AOAH: variants seen among roughly 807,000 people sequenced by gnomAD.
AOAH encodes acyloxyacyl hydrolase (neutrophil).
A neutral mutation model predicts 92.2 loss-of-function variants in AOAH; 64 were observed. That is an observed-to-expected ratio of 0.69 (90% CI 0.57 to 0.86). The LOEUF is 0.86. AOAH is among the 40% of genes least tolerant of loss of function. The pLI, the probability that AOAH is intolerant of heterozygous loss-of-function variation, is 0.00. For missense variants in AOAH, 656 were observed against 694.6 expected (o/e 0.94, Z 0.62); for synonymous variants, 263 against 254.5 (o/e 1.03, Z -0.32).
chr7:36,624,993 GCT>G (rs1274241349), intron 6 of AOAH, among the ~76,000 whole-genome samples: 8 of 152,154 alleles, frequency 5.3e-5, no homozygotes, highest in African/African-American at 7.2e-5. Flanking sequence ...TCCTTGCACA[GCT>G]CTGTTTCCTG....
At chr7:36,684,845 G>A (rs1374179700) in intron 2 of AOAH, among the ~76,000 whole-genome samples, 7 of 129,000 alleles carry the variant, frequency 5.4e-5, no homozygotes, top group Non-Finnish European at 7.8e-5. Flanking sequence ...GATCTCATGA[G>A]CCCGGGAGGT....
chr7:36,678,589 G>C (rs943551321), intron 2 of AOAH, among the ~76,000 whole-genome samples: 4 of 137,042 alleles, frequency 2.9e-5, no homozygotes, highest in Non-Finnish European at 1.5e-5. Context: ...GTGTGTGTGT[G>C]TGTGTGTGTG....
chr7:36,691,091 C>G (rs1482670241), intron 1 of AOAH, among the ~76,000 whole-genome samples: 1 of 152,154 alleles, frequency 6.6e-6, no homozygotes, highest in Non-Finnish European at 1.5e-5. Context: ...CCTTTTTGAC[C>G]CTGAGTAGAA....
chr7:36,671,086 T>C (rs752638922), intron 3 of AOAH, among the ~76,000 whole-genome samples: 1 of 152,224 alleles, frequency 6.6e-6, no homozygotes, highest in Non-Finnish European at 1.5e-5. Context: ...TCTGGTTCCC[T>C]GATCTAGGCT....
intron 5 of AOAH, among the ~76,000 whole-genome samples, chr7:36,635,239 C>T (rs1793436333): frequency 6.6e-6 from 1 of 152,156 alleles, no homozygotes; most frequent in Admixed American, 6.5e-5. Context: ...ATGAGAGTCT[C>T]AAATCAGGGC....
chr7:36,720,097 T>C (rs1799520470), intron 1 of AOAH, among the ~76,000 whole-genome samples: 2 of 152,274 alleles, frequency 1.3e-5, no homozygotes, highest in African/African-American at 4.8e-5. Context: ...CTTCCTTCTT[T>C]GACTAGCAAT....
intron 16 of AOAH, among the ~76,000 whole-genome samples, chr7:36,540,033 A>G (rs1397856572): frequency 6.6e-6 from 1 of 152,174 alleles, no homozygotes; most frequent in African/African-American, 2.4e-5. Context: ...AGCTCATTTT[A>G]CATTTCACCT....
intron 11 of AOAH, among the ~76,000 whole-genome samples, chr7:36,602,053 C>A (rs778980866): frequency 9.2e-5 from 14 of 152,204 alleles, no homozygotes; most frequent in African/African-American, 3.4e-4. Context: ...CATTCAACTT[C>A]AGCGAAATAA....
intron 11 of AOAH, among the ~76,000 whole-genome samples, chr7:36,610,632 T>C (rs549854750): frequency 7.2e-4 from 109 of 152,312 alleles, no homozygotes; most frequent in South Asian, 2.1e-3. Context: ...AATTTCTTTA[T>C]TTTCACATTT....
At chr7:36,659,755 CTT>C (rs112482487) in intron 3 of AOAH, among the ~76,000 whole-genome samples, 4 of 127,940 alleles carry the variant, frequency 3.1e-5, no homozygotes, top group East Asian at 2.2e-4. Context: ...TTTTTTCTTT[CTT>C]TTTTTTTTTT....
At chr7:36,723,025 A>G (rs890157882) in intron 1 of AOAH, among the ~76,000 whole-genome samples, 1 of 151,278 alleles carries the variant, frequency 6.6e-6, no homozygotes, top group Non-Finnish European at 1.5e-5. Context: ...GATTTTGAGG[A>G]AGTAGGACAA....
At chr7:36,566,524 A>G (rs562076958) in intron 13 of AOAH, among the ~76,000 whole-genome samples, 1 of 152,224 alleles carries the variant, frequency 6.6e-6, no homozygotes, top group South Asian at 2.1e-4. Context: ...CTAGTCAGAC[A>G]TGAGTGGGGC....
intron 11 of AOAH, among the ~76,000 whole-genome samples, chr7:36,602,660 C>T (rs1032166894): frequency 6.6e-6 from 1 of 152,216 alleles, no homozygotes. Context: ...TCAAAGCTGA[C>T]TCTTCTGATA....
chr7:36,700,366 T>A (rs1797957071), intron 1 of AOAH, among the ~76,000 whole-genome samples: 1 of 151,996 alleles, frequency 6.6e-6, no homozygotes, highest in Admixed American at 6.6e-5. Context: ...TATTCCACAC[T>A]CTATGTTCAT....
chr7:36,616,642 C>A (rs79786771), intron 10 of AOAH, among the ~76,000 whole-genome samples, 168 bp from the exon 11 acceptor site: 3 of 152,130 alleles, frequency 2.0e-5, no homozygotes, highest in Non-Finnish European at 4.4e-5. Flanking sequence ...CATAGCATTT[C>A]GGAGCTGAAT....
intron 20 of AOAH, chr7:36,514,337 G>A (rs9648053): frequency 1.6e-6 from 1 of 642,570 alleles, no homozygotes; most frequent in South Asian, 1.9e-5. Flanking sequence ...GTGGAGGCTG[G>A]CTGGGTCCCT....
intron 1 of AOAH, among the ~76,000 whole-genome samples, chr7:36,694,257 G>A (rs911470461): frequency 6.6e-6 from 1 of 152,190 alleles, no homozygotes; most frequent in South Asian, 2.1e-4. Context: ...AGTGCTTTGG[G>A]AGGCTGAGGC....
chr7:36,562,830 C>A (rs563362047), intron 13 of AOAH, among the ~76,000 whole-genome samples: 1 of 151,994 alleles, frequency 6.6e-6, no homozygotes, highest in African/African-American at 2.4e-5. Flanking sequence ...CTCATGGTAA[C>A]CCCAAGTGAT....
chr7:36,520,677 C>T (rs2115808842), intron 20 of AOAH, among the ~76,000 whole-genome samples: 1 of 148,536 alleles, frequency 6.7e-6, no homozygotes, highest in South Asian at 2.1e-4. Flanking sequence ...TGCACTCCAG[C>T]CGGGGCAACA....
Sources: gnomAD v4.1 joint callset for allele counts (sites outside exome capture counted in the v4.1 genomes callset) on GRCh38, gnomAD v4.1.1 for gene constraint, MANE v1.5 for transcripts, NCBI Gene and HGNC (gene_info 2026-07-23, HGNC 2026-07-21) for gene names.